The following MIPOL1 variants were observed in gnomAD, a reference collection of about 807,000 sequenced individuals.
MIPOL1 encodes mirror-image polydactyly 1.
Under a neutral mutation model 60.9 loss-of-function variants are expected in MIPOL1, and 57 were observed. That is an observed-to-expected ratio of 0.94 (90% confidence interval 0.76 to 1.17). The LOEUF (loss-of-function observed/expected upper bound fraction) is 1.17. Among genes scored for constraint, MIPOL1 ranks in the 50% most tolerant of loss-of-function variants. The pLI is 0.00. For missense variants in MIPOL1, 551 were observed against 511.6 expected, an observed-to-expected ratio of 1.08 and a Z score of -0.74; for synonymous variants, 179 against 168.8, an observed-to-expected ratio of 1.06 and a Z score of -0.47.
At chr14:37,222,212 G>A (rs546908507) in intron 1 of MIPOL1, among the ~76,000 whole-genome samples, 4 of 150,384 alleles carry the variant, frequency 2.7e-5, no homozygotes, top group South Asian at 2.1e-4. Context: ...ACCTAACAGC[G>A]AAAACATTGC....
At chr14:37,521,591 C>G (rs1232886649) in intron 12 of MIPOL1, among the ~76,000 whole-genome samples, 1 of 151,852 alleles carries the variant, frequency 6.6e-6, no homozygotes, top group Non-Finnish European at 1.5e-5. Flanking sequence ...GTTACAACTA[C>G]CAAAGAAAAA....
Position 37,268,745 on chromosome 14 carries a change from A to C in MIPOL1, c.339A>C (p.Ile113=), listed in dbSNP as rs754282941. The change falls in exon 5 of 13, where the codon ATA becomes ATC. Residue 113 remains isoleucine (I), a synonymous_variant. Transcript: ENST00000684589. ...CAGACTCAGATAAAGAGAAGACAAT[A>C]GCATTTCTTCTAAAAGAATTGGATA... The part of the protein sequence containing the change: ...VTSDSDKEKT[I]AFLLKELDIL... The C allele has an allele frequency of 2.5e-6, 4 of 1,591,002 alleles. No individual in the cohort carries two copies. The Admixed American group carries it at 6.9e-5, about 27-fold the overall frequency.
At chr14:37,213,446 G>A (rs966953159) in intron 1 of MIPOL1, among the ~76,000 whole-genome samples, 8 of 152,142 alleles carry the variant, frequency 5.3e-5, no homozygotes, top group African/African-American at 7.2e-5. Flanking sequence ...CATCTAAGTC[G>A]TTTAATAGCA....
At chr14:37,250,483 G>T (rs1308957214) in intron 3 of MIPOL1, among the ~76,000 whole-genome samples, 1 of 152,150 alleles carries the variant, frequency 6.6e-6, no homozygotes, top group African/African-American at 2.4e-5. Flanking sequence ...AGTGGCGGAG[G>T]TTGTAGTGAG....
At chr14:37,377,058 T>C (rs2144581) in intron 10 of MIPOL1, among the ~76,000 whole-genome samples, 12,930 of 152,138 alleles carry the variant, frequency 0.085, 832 homozygotes, top group East Asian at 0.31. Flanking sequence ...AATGTCTGCT[T>C]AACCACAGCA....
chr14:37,407,640 A>C (rs958795649), intron 10 of MIPOL1, among the ~76,000 whole-genome samples: 5 of 152,012 alleles, frequency 3.3e-5, no homozygotes, highest in Non-Finnish European at 5.9e-5. Flanking sequence ...TATTTAAATA[A>C]TTATTATGTA....
At chr14:37,219,016 C>T (rs1968283218) in intron 1 of MIPOL1, among the ~76,000 whole-genome samples, 2 of 151,356 alleles carry the variant, frequency 1.3e-5, no homozygotes, top group African/African-American at 4.9e-5. Context: ...GGAACTAATG[C>T]AATAGGGGAA....
intron 10 of MIPOL1, chr14:37,401,141 T>C (rs1245371843): frequency 6.6e-6 from 1 of 151,702 alleles, no homozygotes; most frequent in East Asian, 1.9e-4. Flanking sequence ...GGAGAAACAC[T>C]AAGAAAAACA....
chr14:37,501,010 ACTT>A (rs949484595), intron 12 of MIPOL1, among the ~76,000 whole-genome samples: 1 of 152,126 alleles, frequency 6.6e-6, no homozygotes, highest in Non-Finnish European at 1.5e-5. Context: ...ACTTCCCACT[ACTT>A]CTTATTTGAA....
intron 11 of MIPOL1, among the ~76,000 whole-genome samples, chr14:37,436,518 G>T (rs1192485180): frequency 6.6e-6 from 1 of 152,068 alleles, no homozygotes; most frequent in African/African-American, 2.4e-5. Flanking sequence ...CTTTGTTCAG[G>T]AACATTCTGA....
At chr14:37,294,027 A>AC (rs2085362049) in intron 7 of MIPOL1, among the ~76,000 whole-genome samples, 1 of 151,972 alleles carries the variant, frequency 6.6e-6, no homozygotes. Context: ...TGGGTCCCTG[A>AC]CCCCCGAGTA....
At position 37,248,393 on chromosome 14, in the gene MIPOL1, G is replaced by T. The variant is rs75705240; in HGVS notation, c.19+486G>T. ...GCACACAGAAAGAGAAGCATACACA[G>T]AGACTCATAGAGAAAGAGAGATACC... On this transcript the variant is annotated intron_variant, in intron 3 of 12. Coordinates refer to ENST00000684589, the MANE Select transcript of MIPOL1 (RefSeq NM_001388067.1). 9.3e-3 allele frequency among the ~76,000 whole-genome samples: 1,418 copies of T among 152,096 alleles called. 12 individuals are homozygous for T. The highest frequency in any genetic ancestry group is 0.013 in the Non-Finnish European group (902 of 67,986).
At chr14:37,237,947 T>A (rs1971746232) in intron 1 of MIPOL1, among the ~76,000 whole-genome samples, 1 of 152,082 alleles carries the variant, frequency 6.6e-6, no homozygotes, top group African/African-American at 2.4e-5. Flanking sequence ...GTTTTGAGCT[T>A]GTTTTTTTTG....
chr14:37,541,283 G>A (rs1045798849), intron 12 of MIPOL1, among the ~76,000 whole-genome samples: 9 of 152,044 alleles, frequency 5.9e-5, no homozygotes, highest in South Asian at 2.1e-4. Flanking sequence ...CATTCTCCCC[G>A]TAGAGTAACA....
intron 7 of MIPOL1, among the ~76,000 whole-genome samples, chr14:37,295,268 AC>A: frequency 6.6e-6 from 1 of 152,340 alleles, no homozygotes. Flanking sequence ...AGATTTTGTC[AC>A]CACCATGCCT....
rs1395072000 is a variant in MIPOL1 at position 37,514,967 on chromosome 14, A to G, written c.1262+14829A>G. Among the ~76,000 whole-genome samples the G allele has an allele frequency of 3.3e-5, 5 of 152,296 alleles. No homozygotes were observed. In the East Asian group the frequency reaches 7.7e-4, roughly 24 times the overall value. Reference sequence around the variant, plus strand: ...GAACCCAAGAGCATGTAGAAATACAAATTTCACTTGGATTCTAAGATTCCG... The same window carrying G: ...GAACCCAAGAGCATGTAGAAATACAGATTTCACTTGGATTCTAAGATTCCG... On this transcript the variant is annotated intron_variant, in intron 12 of 12. Coordinates refer to ENST00000684589, the MANE Select transcript of MIPOL1 (RefSeq NM_001388067.1).
chr14:37,289,864 A>G (rs1263598689), intron 7 of MIPOL1, among the ~76,000 whole-genome samples: 2 of 152,152 alleles, frequency 1.3e-5, no homozygotes, highest in African/African-American at 4.8e-5. Context: ...AAGGTATCTA[A>G]GGGCTGCCAG....
chr14:37,248,566 G>C (rs1423159294), intron 3 of MIPOL1, among the ~76,000 whole-genome samples: 1 of 152,026 alleles, frequency 6.6e-6, no homozygotes, highest in African/African-American at 2.4e-5. Flanking sequence ...TATAGTGAAA[G>C]AGACAAGATA....
chr14:37,528,066 T>G (rs548130285), intron 12 of MIPOL1, among the ~76,000 whole-genome samples: 1 of 152,208 alleles, frequency 6.6e-6, no homozygotes, highest in Middle Eastern at 3.4e-3. Flanking sequence ...AATATTAATA[T>G]CTTTTTGATT....
Sources: gnomAD v4.1 joint callset for allele counts (sites outside exome capture counted in the v4.1 genomes callset) on GRCh38, gnomAD v4.1.1 for gene constraint, MANE v1.5 for transcripts, NCBI Gene and HGNC (gene_info 2026-07-23, HGNC 2026-07-21) for gene names.